Variants in AFF1 observed in about 807,000 individuals in gnomAD.
The protein encoded by AFF1 is AF4/FMR2 family member 1.
Under a neutral mutation model 121.7 loss-of-function variants are expected in AFF1, and 48 were observed. That is an observed-to-expected ratio of 0.39 (90% confidence interval 0.31 to 0.50). AFF1 has a LOEUF of 0.50. AFF1 is among the 20% of genes least tolerant of loss of function. The pLI is 0.76. For synonymous variants in AFF1, 613 were observed against 563.0 expected, an observed-to-expected ratio of 1.09 and a Z score of -1.26; for missense variants, 1,523 against 1,511.7, an observed-to-expected ratio of 1.01 and a Z score of -0.12.
chr4:86,951,104 A>G (rs1275785675), intron 2 of AFF1, among the ~76,000 whole-genome samples: 1 of 152,222 alleles, frequency 6.6e-6, no homozygotes, highest in African/African-American at 2.4e-5. Flanking sequence ...ACAATCTTCT[A>G]TCTTCTCATG....
chr4:87,119,307 AGTG>A (rs1727436744), intron 12 of AFF1, among the ~76,000 whole-genome samples: 1 of 152,168 alleles, frequency 6.6e-6, no homozygotes, highest in East Asian at 1.9e-4. Context: ...GGCTGGGCAC[AGTG>A]GCTCACACTT....
chr4:87,019,890 G>GGA lies in AFF1; in HGVS notation c.39-26275_39-26274insAG, dbSNP rs1553918054. ...GACTGGTGTCTGAAGGGGTCGGGGG[G>GGA]GGGCAGTCTTGGGGACTGAGCCCTC... On this transcript the variant is annotated intron_variant, in intron 2 of 20. Coordinates refer to ENST00000395146, the MANE Select transcript of AFF1 (RefSeq NM_001166693.3). Among the ~76,000 whole-genome samples the GGA allele has an allele frequency of 3.1e-3, 370 of 117,686 alleles. 3 individuals are homozygous for GGA. The highest frequency in any genetic ancestry group is 9.6e-3 in the African/African-American group (347 of 36,018). 77.2% of individuals were successfully genotyped at this position (117,686 alleles called of 152,430 possible). A position where few individuals can be genotyped will look rare whatever the true frequency, so the allele number is the denominator to read the frequency against.
At chr4:87,131,031 C>G in intron 16 of AFF1, 52 bp from the exon 17 acceptor site, 1 of 1,596,736 alleles carries the variant, frequency 6.3e-7, no homozygotes, top group Non-Finnish European at 8.5e-7. Flanking sequence ...GGGTGAGAAA[C>G]TAAATCAAGG....
intron 2 of AFF1, among the ~76,000 whole-genome samples, chr4:87,006,354 T>A (rs1726120321): frequency 6.6e-6 from 1 of 152,214 alleles, no homozygotes; most frequent in Non-Finnish European, 1.5e-5. Context: ...CATGGTCCTC[T>A]GAGTAGGAAG....
chr4:87,006,409 C>G (rs192981021), intron 2 of AFF1, among the ~76,000 whole-genome samples: 2 of 152,296 alleles, frequency 1.3e-5, no homozygotes, highest in Non-Finnish European at 2.9e-5. Context: ...ATTGCATGCT[C>G]AAGTTTTTTG....
chr4:87,129,370 C>T (rs1728595165), intron 16 of AFF1, among the ~76,000 whole-genome samples: 1 of 152,198 alleles, frequency 6.6e-6, no homozygotes, highest in African/African-American at 2.4e-5. Context: ...AACAATGTTT[C>T]AGGAGATACA....
At chr4:87,100,411 T>G (rs931617497) in intron 8 of AFF1, among the ~76,000 whole-genome samples, 2 of 152,130 alleles carry the variant, frequency 1.3e-5, no homozygotes, top group Non-Finnish European at 2.9e-5. Flanking sequence ...CTTTTTGGTG[T>G]TGTGATGACT....
chr4:86,984,804 T>A (rs2149495018), intron 2 of AFF1, among the ~76,000 whole-genome samples: 2 of 152,060 alleles, frequency 1.3e-5, no homozygotes, highest in East Asian at 3.9e-4. Flanking sequence ...GGGCATATAG[T>A]CCCGCTACTT....
In AFF1 at chr4:87,084,125, C is replaced by A. The variant is rs747428436; in HGVS notation, c.1065C>A (p.Thr355=). The change falls in exon 5 of 21, where the codon ACC becomes ACA. Residue 355 remains threonine, a synonymous_variant. Coordinates refer to ENST00000395146, the MANE Select transcript of AFF1 (RefSeq NM_001166693.3). Reference sequence around the variant, plus strand: ...TTTTTGCTTTTCACTTTCAGCAGACCTACTCCAATGAAGTCCATTGTGTTG... The same window carrying A: ...TTTTTGCTTTTCACTTTCAGCAGACATACTCCAATGAAGTCCATTGTGTTG... ...LKMPSQSVEQ[T]YSNEVHCVEE... 4 of 1,613,840 alleles carry A rather than the reference C, an allele frequency of 2.5e-6. No homozygotes were observed. The highest frequency in any genetic ancestry group is 3.4e-6 in the Non-Finnish European group (4 of 1,179,796).
At position 87,035,566 on chromosome 4, in the gene AFF1, A is replaced by G. The variant is rs554266292; in HGVS notation, c.39-10600A>G. ...ACAGAGCAAGACTCCGTCCCAAGGA[A>G]AAAAAAAAAATACTCAGGAGCTTTA... is the stretch of plus-strand genomic sequence containing the variant. On this transcript the variant is annotated intron_variant, in intron 2 of 20. Transcript: ENST00000395146. Among the ~76,000 whole-genome samples the G allele has an allele frequency of 4.2e-3, 545 of 130,390 alleles. 7 individuals are homozygous for G. The highest frequency in any genetic ancestry group is 0.018 in the African/African-American group (524 of 29,392). 85.5% of individuals were successfully genotyped at this position (130,390 alleles called of 152,430 possible). A position where few individuals can be genotyped will look rare whatever the true frequency, so the allele number is the denominator to read the frequency against.
At chr4:87,101,650 C>T (rs1457973906) in intron 8 of AFF1, among the ~76,000 whole-genome samples, 2 of 151,946 alleles carry the variant, frequency 1.3e-5, no homozygotes, top group Non-Finnish European at 2.9e-5. Context: ...GCCTTGTGTG[C>T]CATTGCCCAT....
chr4:86,947,231 G>T (rs555192142), intron 1 of AFF1, among the ~76,000 whole-genome samples: 2 of 152,350 alleles, frequency 1.3e-5, no homozygotes, highest in Non-Finnish European at 2.9e-5. Flanking sequence ...CTGAAAAGTA[G>T]ATCTCTGCTA....
intron 4 of AFF1, among the ~76,000 whole-genome samples, chr4:87,081,082 G>T: frequency 6.6e-6 from 1 of 151,396 alleles, no homozygotes; most frequent in East Asian, 1.9e-4. Flanking sequence ...GCTAACATTT[G>T]GGAAATCTGG....
At chr4:86,949,173 TATA>T (rs1184194881) in intron 2 of AFF1, among the ~76,000 whole-genome samples, 6 of 111,526 alleles carry the variant, frequency 5.4e-5, no homozygotes, top group African/African-American at 2.0e-4. Context: ...AATATATATA[TATA>T]TATATTTTTT....
At chr4:87,081,407 C>A (rs1293929091) in intron 4 of AFF1, among the ~76,000 whole-genome samples, 1 of 152,154 alleles carries the variant, frequency 6.6e-6, no homozygotes, top group Non-Finnish European at 1.5e-5. Flanking sequence ...CCTGATCCAC[C>A]TGCCTCAGCC....
chr4:87,041,278 T>A (rs1342942083), intron 2 of AFF1, among the ~76,000 whole-genome samples: 1 of 152,198 alleles, frequency 6.6e-6, no homozygotes, highest in Non-Finnish European at 1.5e-5. Context: ...ACTGATGTGA[T>A]AGTGCCAAAA....
intron 2 of AFF1, among the ~76,000 whole-genome samples, chr4:87,022,720 A>G (rs939878872): frequency 1.4e-5 from 2 of 145,824 alleles, no homozygotes; most frequent in African/African-American, 2.6e-5. Flanking sequence ...ATCTGTGTGT[A>G]TATATGTATA....
intron 4 of AFF1, among the ~76,000 whole-genome samples, chr4:87,070,107 G>C (rs1721874050): frequency 6.6e-6 from 1 of 152,018 alleles, no homozygotes; most frequent in Non-Finnish European, 1.5e-5. Context: ...GGGTTCAAGT[G>C]ATTGTCCTGC....
intron 2 of AFF1, among the ~76,000 whole-genome samples, chr4:86,959,246 C>A (rs1721969344): frequency 2.0e-5 from 3 of 151,958 alleles, no homozygotes; most frequent in Admixed American, 1.3e-4. Flanking sequence ...TTAAATTGCC[C>A]AGGAGTGCCG....
Sources: gnomAD v4.1 joint callset for allele counts (sites outside exome capture counted in the v4.1 genomes callset) on GRCh38, gnomAD v4.1.1 for gene constraint, MANE v1.5 for transcripts, NCBI Gene and HGNC (gene_info 2026-07-23, HGNC 2026-07-21) for gene names.